LMBR1: variants seen among roughly 807,000 people sequenced by gnomAD.
The protein encoded by LMBR1 is limb region 1 protein homolog.
Under a neutral mutation model 73.9 loss-of-function variants are expected in LMBR1, and 52 were observed. The ratio of observed to expected loss-of-function variants is 0.70; its 90% CI spans 0.56 to 0.89. The LOEUF (loss-of-function observed/expected upper bound fraction) is 0.89. Ranked by LOEUF, LMBR1 falls within the 40% of genes least tolerant of loss-of-function variation. The pLI, the probability that LMBR1 is intolerant of heterozygous loss-of-function variation, is 0.00. For synonymous variants in LMBR1, 215 were observed against 209.4 expected, an observed-to-expected ratio of 1.03 and a Z score of -0.23; for missense variants, 539 against 579.8, an observed-to-expected ratio of 0.93 and a Z score of 0.72.
intron 3 of LMBR1, among the ~76,000 whole-genome samples, chr7:156,827,122 GCAA>G (rs1393726730): frequency 6.6e-6 from 1 of 151,978 alleles, no homozygotes; most frequent in African/African-American, 2.4e-5. Flanking sequence ...TAACAGCAAT[GCAA>G]CAACTGAGGT....
At chr7:156,843,922 CAAGT>C (rs1351354962) in intron 1 of LMBR1, among the ~76,000 whole-genome samples, 2 of 151,098 alleles carry the variant, frequency 1.3e-5, no homozygotes, top group East Asian at 1.9e-4. Context: ...AAAAGGAAAA[CAAGT>C]AACCAAAATG....
chr7:156,763,820 T>C (rs1823584745), intron 5 of LMBR1, 25 bp from the exon 6 acceptor site: 1 of 1,561,066 alleles, frequency 6.4e-7, no homozygotes. Context: ...AGAAATATAA[T>C]TTTAGTATTT....
chr7:156,792,846 G>A (rs1430876365), intron 5 of LMBR1, among the ~76,000 whole-genome samples: 1 of 151,922 alleles, frequency 6.6e-6, no homozygotes, highest in Non-Finnish European at 1.5e-5. Flanking sequence ...GAGTAGAGTG[G>A]GGCCATATGC....
At chr7:156,824,290 C>T (rs985483537) in intron 4 of LMBR1, among the ~76,000 whole-genome samples, 4 of 152,120 alleles carry the variant, frequency 2.6e-5, no homozygotes, top group African/African-American at 9.7e-5. Flanking sequence ...CACAGGGCCA[C>T]AGTCTCAGCA....
At chr7:156,822,736 G>C (rs1263738148) in intron 4 of LMBR1, 1 of 151,982 alleles carries the variant, frequency 6.6e-6, no homozygotes, top group Non-Finnish European at 1.5e-5. Flanking sequence ...ATGAAAAGCT[G>C]ATGTGTTCAA....
In LMBR1 at chr7:156,680,162, AC is replaced by A. The variant is rs1204443464; in HGVS notation, c.*3915del. ...TATTCAAAAACCAAAAAAAAAAAAA[AC>A]TCCAAAAAGGTCTTTGTATTATTTC... On this transcript the variant is annotated 3_prime_UTR_variant, in exon 17 of 17. Transcript: ENST00000353442. The A allele has an allele frequency of 6.6e-6, 1 of 150,830 alleles. No homozygotes were observed. The highest frequency in any genetic ancestry group is 1.5e-5 in the Non-Finnish European group (1 of 67,782). The allele number at this position is 150,830 out of a possible 1,614,324, so 9.3% of individuals were successfully genotyped here. A position where few individuals can be genotyped will look rare whatever the true frequency, so the allele number is the denominator to read the frequency against.
chr7:156,818,835 C>G (rs1468689616), intron 4 of LMBR1, among the ~76,000 whole-genome samples: 1 of 152,076 alleles, frequency 6.6e-6, no homozygotes, highest in Non-Finnish European at 1.5e-5. Flanking sequence ...TTTATTTTTT[C>G]GGTCCATTTT....
At position 156,763,142 on chromosome 7, in the gene LMBR1, G is replaced by A. The variant is rs1464510374; in HGVS notation, c.585C>T (p.Ser195=). ...ACAAACATCCCATCAATGATATACA[G>A]GAATATAAATAGGGTAGATAGAACT... The part of the protein sequence containing the change: ...LWEFYLPYLY[S]CISLMGCLLL... The change falls in exon 7 of 17, where the codon TCC becomes TCT. Residue 195 remains serine, a synonymous_variant. Coordinates refer to ENST00000353442, the MANE Select transcript of LMBR1 (RefSeq NM_022458.4). The A allele has an allele frequency of 3.5e-6, 5 of 1,416,642 alleles. No homozygotes were observed. Among genetic ancestry groups the A allele is most frequent in the Non-Finnish European group, 4.9e-6 (5 of 1,023,192 alleles). The allele number at this position is 1,416,642 out of a possible 1,614,324, so 87.8% of individuals were successfully genotyped here. A position where few individuals can be genotyped will look rare whatever the true frequency, so the allele number is the denominator to read the frequency against.
At chr7:156,807,489 A>G (rs1466513668) in intron 4 of LMBR1, among the ~76,000 whole-genome samples, 1 of 152,208 alleles carries the variant, frequency 6.6e-6, no homozygotes, top group African/African-American at 2.4e-5. Flanking sequence ...ATAATATGCA[A>G]TTATTATCCT....
intron 16 of LMBR1, among the ~76,000 whole-genome samples, chr7:156,687,291 A>C (rs1806184850): frequency 6.6e-6 from 1 of 152,152 alleles, no homozygotes; most frequent in Non-Finnish European, 1.5e-5. Flanking sequence ...TTTCTACAAG[A>C]AGTCACTGCC....
intron 4 of LMBR1, among the ~76,000 whole-genome samples, chr7:156,803,532 G>A (rs1362246515): frequency 1.3e-5 from 2 of 152,134 alleles, no homozygotes; most frequent in Admixed American, 1.3e-4. Context: ...GGAGAAATAG[G>A]AACACTTTTG....
chr7:156,861,295 A>T (rs1797682371), intron 1 of LMBR1, among the ~76,000 whole-genome samples: 1 of 152,206 alleles, frequency 6.6e-6, no homozygotes, highest in Admixed American at 6.5e-5. Flanking sequence ...AACCTTCTGA[A>T]GCAACAGACC....
At chr7:156,774,707 C>T (rs1239190982) in intron 5 of LMBR1, among the ~76,000 whole-genome samples, 1 of 152,112 alleles carries the variant, frequency 6.6e-6, no homozygotes, top group African/African-American at 2.4e-5. Flanking sequence ...TGGCGGGCAC[C>T]TGTAGTCCCA....
chr7:156,728,157 A>G (rs1816143545), intron 11 of LMBR1, 150 bp from the exon 12 acceptor site: 3 of 583,734 alleles, frequency 5.1e-6, no homozygotes, highest in Non-Finnish European at 9.0e-6. Flanking sequence ...CAGACTACAA[A>G]CAAGAACTGA....
rs1338310393 is a variant in LMBR1, at chr7:156,680,397, A to AGTGTGTGTGTGTGTGTGTGT, written c.*3680_*3681insACACACACACACACACACAC. The AGTGTGTGTGTGTGTGTGTGT allele has an allele frequency of 1.5e-5, 2 of 137,638 alleles. No homozygotes were observed. Among genetic ancestry groups the AGTGTGTGTGTGTGTGTGTGT allele is most frequent in the African/African-American group, 5.9e-5 (2 of 34,084 alleles). The allele number at this position is 137,638 out of a possible 1,614,324, so 8.5% of individuals were successfully genotyped here. A position where few individuals can be genotyped will look rare whatever the true frequency, so the allele number is the denominator to read the frequency against. The stretch of plus-strand genomic sequence containing the variant: ...GAGACAGAGAGAGAGAGAGAGAGAG[A>AGTGTGTGTGTGTGTGTGTGT]GAGAGAGTGTGTGTGTGTGTGTGTG... On this transcript the variant is annotated 3_prime_UTR_variant, in exon 17 of 17. Transcript: ENST00000353442.
At chr7:156,800,982 A>G (rs1387336921) in intron 4 of LMBR1, among the ~76,000 whole-genome samples, 1 of 152,260 alleles carries the variant, frequency 6.6e-6, no homozygotes, top group Non-Finnish European at 1.5e-5. Context: ...GGATGAACAA[A>G]GAAAGTGGTT....
At chr7:156,717,593 G>A (rs897644927) in intron 15 of LMBR1, among the ~76,000 whole-genome samples, 2 of 152,164 alleles carry the variant, frequency 1.3e-5, no homozygotes, top group Admixed American at 6.5e-5. Flanking sequence ...ATTAAAAACA[G>A]AATCCATAGA....
chr7:156,877,666 G>T (rs947193457), intron 1 of LMBR1, among the ~76,000 whole-genome samples: 1 of 152,088 alleles, frequency 6.6e-6, no homozygotes, highest in East Asian at 1.9e-4. Context: ...GGCGGATCAC[G>T]AGGTCAGGAG....
chr7:156,836,987 T>G, intron 1 of LMBR1, 102 bp from the exon 2 acceptor site: 1 of 747,890 alleles, frequency 1.3e-6, no homozygotes, highest in East Asian at 2.8e-5. Context: ...GGATTTAAAC[T>G]ACTAAAAAGT....
Sources: allele counts gnomAD v4.1 joint callset (sites outside exome capture counted in the v4.1 genomes callset), GRCh38; gene constraint gnomAD v4.1.1; transcripts MANE v1.5; gene names NCBI Gene and HGNC (gene_info 2026-07-23, HGNC 2026-07-21).